Variants in NTN1 observed in about 807,000 individuals in gnomAD.
The protein encoded by NTN1 is netrin 1, also known as netrin-1.
Under a neutral mutation model 54.2 loss-of-function variants are expected in NTN1, and 11 were observed. That is an observed-to-expected ratio of 0.20 (90% CI 0.13 to 0.34). NTN1 has a LOEUF of 0.34. Ranked by LOEUF, NTN1 falls within the 10% of genes least tolerant of loss-of-function variation. The probability of loss-of-function intolerance (pLI) is 1.00; values close to 1 mark genes in which losing one functional copy is unlikely to be tolerated. For synonymous variants in NTN1, 371 were observed against 382.0 expected (o/e 0.97, Z 0.33); for missense variants, 740 against 893.1 (o/e 0.83, Z 2.18).
chr17:9,137,540 C>T (rs1307874724), intron 2 of NTN1, among the ~76,000 whole-genome samples: 1 of 152,226 alleles, frequency 6.6e-6, no homozygotes, highest in Non-Finnish European at 1.5e-5. Flanking sequence ...CGCCTGTAAT[C>T]CCAGCACTTT....
At chr17:9,099,872 A>G (rs908704977) in intron 2 of NTN1, among the ~76,000 whole-genome samples, 17 of 152,348 alleles carry the variant, frequency 1.1e-4, no homozygotes, top group African/African-American at 2.9e-4. Context: ...AAAATAATAT[A>G]CATTATTTTA....
intron 2 of NTN1, among the ~76,000 whole-genome samples, chr17:9,120,409 T>G (rs1356799682): frequency 6.6e-6 from 1 of 152,216 alleles, no homozygotes; most frequent in Non-Finnish European, 1.5e-5. Context: ...GTTAAGGATT[T>G]TGGGGGCCCT....
In NTN1 at chr17:9,023,001, A is replaced by G. The variant is rs199674301; in HGVS notation, c.628A>G (p.Met210Val). 2.4e-4 allele frequency: 389 copies of G among 1,608,774 alleles called. 1 individual carries two copies. In the Middle Eastern group the frequency reaches 2.5e-3, roughly 10 times the overall value. The change falls in exon 2 of 7, where the codon ATG (methionine) becomes GTG (valine). Residue 210 changes from methionine to valine, a missense_variant. Transcript: ENST00000173229. ...CGTGTGCACCGACTCGCACACCGAC[A>G]TGCGCCCGCTCTCGGGCGGCCTCAT... is the stretch of plus-strand genomic sequence containing the variant. The part of the protein sequence containing the change: ...EAVCTDSHTD[M>V]RPLSGGLIAF...
chr17:9,103,400 T>G (rs1189429074), intron 2 of NTN1, among the ~76,000 whole-genome samples: 1 of 152,260 alleles, frequency 6.6e-6, no homozygotes, highest in East Asian at 1.9e-4. Flanking sequence ...AGGGACCCAG[T>G]GGGAGGTAAT....
intron 2 of NTN1, among the ~76,000 whole-genome samples, chr17:9,121,631 G>A (rs1252796287): frequency 6.6e-6 from 1 of 152,130 alleles, no homozygotes; most frequent in South Asian, 2.1e-4. Context: ...GCAGCCATCC[G>A]TACCCTACTC....
intron 6 of NTN1, among the ~76,000 whole-genome samples, chr17:9,230,828 C>A (rs543438176): frequency 5.6e-4 from 85 of 152,302 alleles, no homozygotes; most frequent in African/African-American, 1.7e-3. Flanking sequence ...CCTCTTGTCT[C>A]TCCCGATGCT....
chr17:9,063,517 A>G (rs1304931959), intron 2 of NTN1, among the ~76,000 whole-genome samples: 2 of 151,874 alleles, frequency 1.3e-5, no homozygotes, highest in South Asian at 2.1e-4. Flanking sequence ...ACATTGAGCT[A>G]TGAAAGAGGT....
intron 5 of NTN1, among the ~76,000 whole-genome samples, chr17:9,210,761 C>T (rs1240551932): frequency 6.6e-6 from 1 of 152,012 alleles, no homozygotes; most frequent in Non-Finnish European, 1.5e-5. Flanking sequence ...CAAAAATTAG[C>T]TGTGCATGAT....
chr17:9,067,806 GC>G (rs2092019978), intron 2 of NTN1, among the ~76,000 whole-genome samples: 1 of 152,208 alleles, frequency 6.6e-6, no homozygotes. Context: ...AGGGCTCTGG[GC>G]TTGGGGGATG....
At chr17:9,015,239 CAT>C in the NTN1 span, among the ~76,000 whole-genome samples, 1 of 152,000 alleles carries the variant, frequency 6.6e-6, no homozygotes, top group African/African-American at 2.4e-5. Context: ...GGTGAAACCC[CAT>C]CTCTACTAAA....
chr17:9,077,801 C>G (rs1396511306), intron 2 of NTN1, among the ~76,000 whole-genome samples: 1 of 152,160 alleles, frequency 6.6e-6, no homozygotes, highest in South Asian at 2.1e-4. Context: ...TTCAGCCATG[C>G]AGGAGAGTTA....
chr17:9,150,289 A>G (rs2092323602), intron 2 of NTN1, among the ~76,000 whole-genome samples: 1 of 152,230 alleles, frequency 6.6e-6, no homozygotes. Context: ...TTTGTCCTGA[A>G]AGGCAAGAAA....
intron 2 of NTN1, among the ~76,000 whole-genome samples, chr17:9,110,287 TGAGACAGAG>T (rs1477101761): frequency 6.6e-6 from 1 of 151,952 alleles, no homozygotes; most frequent in African/African-American, 2.4e-5. Context: ...TTTTTCTTTT[TGAGACAGAG>T]TCTCACTCTG....
intron 6 of NTN1, among the ~76,000 whole-genome samples, chr17:9,228,851 T>TGTGTGTGA (rs1351179994): frequency 1.4e-3 from 151 of 104,792 alleles, no homozygotes; most frequent in African/African-American, 3.2e-3. Context: ...TGTGTGTGTG[T>TGTGTGTGA]GACTGTGTAT....
chr17:9,034,889 C>T (rs1211763249), intron 2 of NTN1, among the ~76,000 whole-genome samples: 1 of 152,180 alleles, frequency 6.6e-6, no homozygotes, highest in African/African-American at 2.4e-5. Flanking sequence ...TGCGTCCACC[C>T]AGTTACCACG....
intron 2 of NTN1, among the ~76,000 whole-genome samples, chr17:9,134,941 C>T (rs1376555836): frequency 1.3e-5 from 2 of 152,170 alleles, no homozygotes; most frequent in East Asian, 3.8e-4. Context: ...ACTCAATAGT[C>T]TTGTTTGGGA....
chr17:9,212,225 AG>A lies in NTN1; in HGVS notation c.1412-8940del, dbSNP rs1424830934. Among the ~76,000 whole-genome samples, 1 of 152,102 alleles carries A rather than the reference AG, an allele frequency of 6.6e-6. No homozygotes were observed. Among genetic ancestry groups the A allele is most frequent in the Admixed American group, 6.5e-5 (1 of 15,270 alleles). ...ACCCCTGGATGAGGTGCTGTTGGTG[AG>A]GGTGGTAAGAAGGTGGTCTTACCTG... On this transcript the variant is annotated intron_variant, in intron 5 of 6. Transcript: ENST00000173229. This position sits in a 1 kb window ranked among gnomAD's most constrained non-coding sequence, Gnocchi z 5.5.
chr17:9,120,576 A>T (rs1376521654), intron 2 of NTN1, among the ~76,000 whole-genome samples: 1 of 152,086 alleles, frequency 6.6e-6, no homozygotes, highest in African/African-American at 2.4e-5. Flanking sequence ...CCAAGTCCCT[A>T]TGGTGGGGTG....
At position 9,147,200 on chromosome 17, in the gene NTN1, G is replaced by A. The variant is rs552050358; in HGVS notation, c.1019-15613G>A. Among the ~76,000 whole-genome samples, 3 of 152,300 alleles carry A rather than the reference G, an allele frequency of 2.0e-5. No homozygotes were observed. In the South Asian group the frequency reaches 6.2e-4, roughly 32 times the overall value. Reference sequence around the variant, plus strand: ...GCAGTCCCTCCCCGTAAGGACTCAGGGTCATTTGCAGACTGGAAATCCCTT... The same window carrying A: ...GCAGTCCCTCCCCGTAAGGACTCAGAGTCATTTGCAGACTGGAAATCCCTT... On this transcript the variant is annotated intron_variant, in intron 2 of 6. Transcript: ENST00000173229.
Sources: allele counts gnomAD v4.1 joint callset (sites outside exome capture counted in the v4.1 genomes callset), GRCh38; gene constraint gnomAD v4.1.1; non-coding constraint Gnocchi (gnomAD v3.1); transcripts MANE v1.5; gene names NCBI Gene and HGNC (gene_info 2026-07-23, HGNC 2026-07-21).